The following FAM107B variants were observed in gnomAD, a reference collection of about 807,000 sequenced individuals.
FAM107B encodes the protein protein FAM107B.
A neutral mutation model predicts 31.5 loss-of-function variants in FAM107B; 21 were observed. The ratio of observed to expected loss-of-function variants is 0.67; its 90% CI spans 0.47 to 0.96. The LOEUF (loss-of-function observed/expected upper bound fraction) is 0.96, where lower values mean the gene tolerates loss of function less well. FAM107B is among the 40% of genes least tolerant of loss of function. The pLI is 0.00. For synonymous variants in FAM107B, 157 were observed against 141.5 expected, an observed-to-expected ratio of 1.11 and a Z score of -0.78; for missense variants, 452 against 377.1, an observed-to-expected ratio of 1.20 and a Z score of -1.64.
Position 14,519,820 on chromosome 10 carries a change from C to A in FAM107B, c.*1370G>T, listed in dbSNP as rs962833747. On this transcript the variant is annotated 3_prime_UTR_variant, in exon 5 of 5. Coordinates refer to ENST00000181796, the MANE Select transcript of FAM107B (RefSeq NM_031453.4). The stretch of plus-strand genomic sequence containing the variant: ...GAAATGACTGGCTGAACTGTCTCTA[C>A]GGAGCATACTAAATCCTCAACAATT... 1.3e-5 allele frequency: 2 copies of A among 152,308 alleles called. No homozygotes were observed. Among genetic ancestry groups the A allele is most frequent in the African/African-American group, 4.8e-5 (2 of 41,440 alleles). 9.4% of individuals were successfully genotyped at this position (152,308 alleles called of 1,614,324 possible).
intron 1 of FAM107B, among the ~76,000 whole-genome samples, chr10:14,773,128 A>C (rs1241717064): frequency 2.0e-5 from 3 of 152,160 alleles, no homozygotes; most frequent in African/African-American, 7.2e-5. Flanking sequence ...AAAACATAGC[A>C]GTTTTTGCTG....
chr10:14,552,809 G>A (rs1450275019), intron 2 of FAM107B, among the ~76,000 whole-genome samples: 1 of 151,842 alleles, frequency 6.6e-6, no homozygotes, highest in Non-Finnish European at 1.5e-5. Context: ...GGGTGACAGA[G>A]TAAGACTCCA....
At chr10:14,727,252 T>A (rs1438842359) in intron 1 of FAM107B, among the ~76,000 whole-genome samples, 1 of 152,168 alleles carries the variant, frequency 6.6e-6, no homozygotes, top group Non-Finnish European at 1.5e-5. Flanking sequence ...CACAGACCAG[T>A]ACCAGTACAT....
chr10:14,767,895 A>T (rs1429809795), intron 1 of FAM107B, among the ~76,000 whole-genome samples: 1 of 152,220 alleles, frequency 6.6e-6, no homozygotes, highest in Non-Finnish European at 1.5e-5. Context: ...TCTGTTGATG[A>T]CATGATCTTA....
At chr10:14,567,531 G>A (rs140376227) in intron 2 of FAM107B, among the ~76,000 whole-genome samples, 13 of 152,156 alleles carry the variant, frequency 8.5e-5, no homozygotes, top group African/African-American at 3.1e-4. Context: ...GCAGAGATCA[G>A]GATCATAGAG....
chr10:14,542,434 T>C lies in FAM107B; in HGVS notation c.470-11919A>G, dbSNP rs562197959. On this transcript the variant is annotated intron_variant, in intron 2 of 4. Coordinates refer to ENST00000181796, the MANE Select transcript of FAM107B (RefSeq NM_031453.4). ...TAATACCTCTTGTAGGATACTGAAG[T>C]CTGATTCTATTAAAATTAAATTTGA... The C allele has an allele frequency of 2.0e-5, 3 of 152,124 alleles. No homozygotes were observed. In the South Asian group the frequency reaches 6.2e-4, roughly 32 times the overall value. The allele number at this position is 152,124 out of a possible 1,614,324, so 9.4% of individuals were successfully genotyped here. A position where few individuals can be genotyped will look rare whatever the true frequency, so the allele number is the denominator to read the frequency against.
In FAM107B at chr10:14,734,488, G is replaced by GTGTTTTTTTTTTTTGT. The variant is rs558940939; in HGVS notation, c.411+39764_411+39765insACAAAAAAAAAAAACA. 4.1e-3 allele frequency among the ~76,000 whole-genome samples: 562 copies of GTGTTTTTTTTTTTTGT among 138,528 alleles called. 5 individuals carry two copies. Among genetic ancestry groups the GTGTTTTTTTTTTTTGT allele is most frequent in the African/African-American group, 0.014 (522 of 36,884 alleles). The allele number at this position is 138,528 out of a possible 152,430, so 90.9% of individuals were successfully genotyped here. ...AAACATAATGAAATCTTTTTGTGAG[G>GTGTTTTTTTTTTTTGT]TTTTTTTTTTTTTTTTAGCTCATCA... On this transcript the variant is annotated intron_variant, in intron 1 of 4. Coordinates refer to ENST00000181796, the MANE Select transcript of FAM107B (RefSeq NM_031453.4).
chr10:14,560,478 G>A (rs1306213312), intron 2 of FAM107B, among the ~76,000 whole-genome samples: 1 of 152,204 alleles, frequency 6.6e-6, no homozygotes, highest in East Asian at 1.9e-4. Flanking sequence ...TATTCAAGGA[G>A]CACCAATGGC....
chr10:14,727,067 T>C (rs966303633), intron 1 of FAM107B, among the ~76,000 whole-genome samples: 4 of 152,044 alleles, frequency 2.6e-5, no homozygotes, highest in African/African-American at 7.2e-5. Context: ...ATACCTCACA[T>C]GTGCAGTTCA....
At chr10:14,599,876 T>C (rs1304679183) in intron 2 of FAM107B, among the ~76,000 whole-genome samples, 2 of 152,094 alleles carry the variant, frequency 1.3e-5, no homozygotes, top group Non-Finnish European at 2.9e-5. Flanking sequence ...AAAAACTCTT[T>C]TCCATCACAT....
At chr10:14,609,045 C>G (rs571269124) in intron 2 of FAM107B, among the ~76,000 whole-genome samples, 1 of 152,292 alleles carries the variant, frequency 6.6e-6, no homozygotes, top group African/African-American at 2.4e-5. Context: ...GGCCTCATGG[C>G]CTCAATTGAT....
At chr10:14,586,462 C>A (rs1221702637) in intron 2 of FAM107B, among the ~76,000 whole-genome samples, 1 of 152,106 alleles carries the variant, frequency 6.6e-6, no homozygotes, top group Non-Finnish European at 1.5e-5. Context: ...CTAATCCCAA[C>A]GTGATGATAT....
chr10:14,583,400 T>C (rs1851717683), intron 2 of FAM107B, among the ~76,000 whole-genome samples: 1 of 151,956 alleles, frequency 6.6e-6, no homozygotes, highest in Non-Finnish European at 1.5e-5. Flanking sequence ...TAGTGACAGA[T>C]GACATGAAGC....
chr10:14,710,402 A>G lies in FAM107B; in HGVS notation c.412-42711T>C, dbSNP rs1207866922. Among the ~76,000 whole-genome samples the G allele has an allele frequency of 2.6e-5, 4 of 151,564 alleles. No individual in the cohort carries two copies. In the East Asian group the frequency reaches 7.7e-4, roughly 29 times the overall value. ...CTCCAGCATGGGATAAAAAACATAT[A>G]TACATATTTTTTTGCCTGTCTCTAA... On this transcript the variant is annotated intron_variant, in intron 1 of 4. Transcript: ENST00000181796.
chr10:14,728,981 TTAGA>T (rs1856100266), intron 1 of FAM107B, among the ~76,000 whole-genome samples: 1 of 152,046 alleles, frequency 6.6e-6, no homozygotes, highest in African/African-American at 2.4e-5. Flanking sequence ...ACTCTTCAAG[TTAGA>T]TAGATATATG....
At chr10:14,564,341 C>A (rs1850487619) in intron 2 of FAM107B, among the ~76,000 whole-genome samples, 1 of 151,912 alleles carries the variant, frequency 6.6e-6, no homozygotes, top group African/African-American at 2.4e-5. Context: ...CCTCTTCCGG[C>A]CACATTTAGT....
intron 2 of FAM107B, among the ~76,000 whole-genome samples, chr10:14,533,734 T>C (rs887660019): frequency 6.6e-6 from 1 of 152,134 alleles, no homozygotes; most frequent in Non-Finnish European, 1.5e-5. Context: ...AGGAGGGAGG[T>C]TGAGCTTCCA....
Position 14,674,356 on chromosome 10 carries a change from A to G in FAM107B, c.412-6665T>C, listed in dbSNP as rs190077609. 7.2e-4 allele frequency among the ~76,000 whole-genome samples: 110 copies of G among 152,356 alleles called. 1 individual carries two copies. Among genetic ancestry groups the G allele is most frequent in the Non-Finnish European group, 1.4e-3 (97 of 68,032 alleles). On this transcript the variant is annotated intron_variant, in intron 1 of 4. Transcript: ENST00000181796. The stretch of plus-strand genomic sequence containing the variant: ...ATATTTGCAAACTATTGATCTGACA[A>G]GAGATTAACATCCAGAATATACAGG...
At position 14,638,727 on chromosome 10, in the gene FAM107B, G is replaced by A. The variant is rs750703541; in HGVS notation, c.469+28907C>T. The stretch of plus-strand genomic sequence containing the variant: ...TTTTATTCCTTACTATTCTCACATC[G>A]GCTTCTCCTTTTGCCGTGCTGCAGC... On this transcript the variant is annotated intron_variant, in intron 2 of 4. Transcript: ENST00000181796. 5.3e-5 allele frequency among the ~76,000 whole-genome samples: 8 copies of A among 152,018 alleles called. No homozygotes were observed. In the South Asian group the frequency reaches 1.0e-3, roughly 20 times the overall value.
Sources: allele counts gnomAD v4.1 joint callset (sites outside exome capture counted in the v4.1 genomes callset), GRCh38; gene constraint gnomAD v4.1.1; transcripts MANE v1.5; gene names NCBI Gene and HGNC (gene_info 2026-07-23, HGNC 2026-07-21).